Variants in OR1J2 observed in about 807,000 individuals in gnomAD.
OR1J2 encodes the protein olfactory receptor family 1 subfamily J member 2.
For synonymous variants in OR1J2, 142 were observed against 99.7 expected (o/e 1.42, Z -2.52); for missense variants, 304 against 246.1 (o/e 1.24, Z -1.57).
At chr9:122,457,495 T>A in the OR1J2 span, among the ~76,000 whole-genome samples, 2 of 151,534 alleles carry the variant, frequency 1.3e-5, no homozygotes, top group Non-Finnish European at 2.9e-5. Flanking sequence ...CATTATAATA[T>A]GAAAAATATT....
At chr9:122,576,180 A>ATATATATG in the OR1J2 span, among the ~76,000 whole-genome samples, 7,459 of 151,996 alleles carry the variant, frequency 0.049, 284 homozygotes, top group South Asian at 0.16. Flanking sequence ...AAGTATATAC[A>ATATATATG]TATATATGTA....
the OR1J2 span, among the ~76,000 whole-genome samples, chr9:122,572,134 A>T: frequency 6.6e-6 from 1 of 152,158 alleles, no homozygotes; most frequent in Non-Finnish European, 1.5e-5. Flanking sequence ...AAACTCACTC[A>T]CTAACATGAT....
the OR1J2 span, among the ~76,000 whole-genome samples, chr9:122,536,048 G>A: frequency 6.6e-6 from 1 of 152,164 alleles, no homozygotes; most frequent in African/African-American, 2.4e-5. Context: ...CACTTCTTTT[G>A]TGGTGGAATG....
chr9:122,569,347 G>A, the OR1J2 span, among the ~76,000 whole-genome samples: 1 of 151,952 alleles, frequency 6.6e-6, no homozygotes, highest in Non-Finnish European at 1.5e-5. Flanking sequence ...ATATATATGA[G>A]AAACATGTTA....
chr9:122,539,430 C>G, the OR1J2 span, among the ~76,000 whole-genome samples: 1 of 152,150 alleles, frequency 6.6e-6, no homozygotes, highest in African/African-American at 2.4e-5. Context: ...CATGTCCCTA[C>G]AAAGGACATG....
At chr9:122,557,199 T>C in the OR1J2 span, among the ~76,000 whole-genome samples, 60 of 152,150 alleles carry the variant, frequency 3.9e-4, 1 homozygote, top group Admixed American at 1.8e-3. Context: ...TTATTCCTTC[T>C]GAATCTGTAT....
chr9:122,516,293 A>G (rs1444753214), downstream of OR1J2, among the ~76,000 whole-genome samples: 1 of 145,802 alleles, frequency 6.9e-6, no homozygotes, highest in East Asian at 2.1e-4. Context: ...TGGAGTCCAT[A>G]CATGGTCTTT....
the OR1J2 span, among the ~76,000 whole-genome samples, chr9:122,537,333 C>A: frequency 1.3e-5 from 2 of 152,216 alleles, no homozygotes; most frequent in South Asian, 4.1e-4. Context: ...TTTTTAACTA[C>A]TGGGTTTAGG....
the OR1J2 span, among the ~76,000 whole-genome samples, chr9:122,533,901 C>T: frequency 2.0e-5 from 3 of 152,170 alleles, no homozygotes; most frequent in Non-Finnish European, 2.9e-5. Flanking sequence ...CAGTGTTCAG[C>T]CGCTAAGCCG....
At chr9:122,573,626 G>A in the OR1J2 span, among the ~76,000 whole-genome samples, 1 of 152,264 alleles carries the variant, frequency 6.6e-6, no homozygotes, top group Admixed American at 6.5e-5. Context: ...AGAGTTATTT[G>A]TGTATTTTGA....
the OR1J2 span, among the ~76,000 whole-genome samples, chr9:122,537,197 G>A: frequency 3.9e-5 from 6 of 152,208 alleles, no homozygotes; most frequent in Non-Finnish European, 7.3e-5. Flanking sequence ...CAATCAGGTG[G>A]TACGTCACAG....
chr9:122,508,532 G>A (rs1395044302), upstream of OR1J2, among the ~76,000 whole-genome samples: 1 of 152,090 alleles, frequency 6.6e-6, no homozygotes, highest in East Asian at 1.9e-4. Context: ...TGTAGGAGAG[G>A]GATGGCATAG....
At chr9:122,481,829 A>AC in the OR1J2 span, among the ~76,000 whole-genome samples, 550 of 152,254 alleles carry the variant, frequency 3.6e-3, 2 homozygotes, top group African/African-American at 0.013. Flanking sequence ...ATGAAGCTAG[A>AC]CCCCTATCCT....
At chr9:122,569,087 A>G in the OR1J2 span, among the ~76,000 whole-genome samples, 1 of 152,192 alleles carries the variant, frequency 6.6e-6, no homozygotes, top group South Asian at 2.1e-4. Context: ...AAAACAGCCA[A>G]CAGGGCAAAT....
the OR1J2 span, among the ~76,000 whole-genome samples, chr9:122,458,366 A>G: frequency 6.6e-6 from 1 of 152,144 alleles, no homozygotes; most frequent in African/African-American, 2.4e-5. Flanking sequence ...AGTTTTCTGT[A>G]TATTTATTTT....
chr9:122,458,295 A>G, the OR1J2 span, among the ~76,000 whole-genome samples: 1 of 152,182 alleles, frequency 6.6e-6, no homozygotes, highest in Admixed American at 6.5e-5. Context: ...TCTTTTAACT[A>G]CTTTAATGAT....
chr9:122,457,523 T>C, the OR1J2 span, among the ~76,000 whole-genome samples: 2 of 151,524 alleles, frequency 1.3e-5, no homozygotes, highest in African/African-American at 4.9e-5. Flanking sequence ...AAATAAAAAT[T>C]ACGAGGTGTG....
chr9:122,487,626 A>G, the OR1J2 span, among the ~76,000 whole-genome samples: 6 of 152,344 alleles, frequency 3.9e-5, no homozygotes, highest in Admixed American at 2.0e-4. Context: ...GAGAAAAGTC[A>G]TGAGCTCAAC....
At chr9:122,511,749 G>A (rs772181832), downstream of OR1J2, 1 of 779,966 alleles carries the variant, frequency 1.3e-6, no homozygotes, top group South Asian at 1.3e-5. Flanking sequence ...GGTGACATCT[G>A]ACTTTTTAAA....
Sources: gnomAD v4.1 joint callset for allele counts (sites outside exome capture counted in the v4.1 genomes callset) on GRCh38, gnomAD v4.1.1 for gene constraint, MANE v1.5 for transcripts, NCBI Gene and HGNC (gene_info 2026-07-23, HGNC 2026-07-21) for gene names.